The following CADM1 variants were observed in gnomAD, a reference collection of about 807,000 sequenced individuals.
CADM1 encodes the protein TSLC-1.
CADM1 carries 15 observed loss-of-function variants against 53.1 expected under a neutral mutation model. The observed-to-expected ratio is 0.28, with a 90% confidence interval of 0.19 to 0.44. CADM1 has a LOEUF of 0.44. Among genes scored for constraint, CADM1 ranks in the 20% least tolerant of loss-of-function variants. The probability of loss-of-function intolerance (pLI) is 1.00; values close to 1 mark genes in which losing one functional copy is unlikely to be tolerated. For synonymous variants in CADM1, 281 were observed against 243.0 expected, an observed-to-expected ratio of 1.16 and a Z score of -1.45; for missense variants, 434 against 611.3, an observed-to-expected ratio of 0.71 and a Z score of 3.06.
At chr11:115,248,314 T>C (rs987223072) in intron 1 of CADM1, among the ~76,000 whole-genome samples, 1 of 152,216 alleles carries the variant, frequency 6.6e-6, no homozygotes, top group African/African-American at 2.4e-5. Context: ...ATTTCAACCA[T>C]CACATTAGCT....
chr11:115,302,815 T>G (rs146198892), intron 1 of CADM1, among the ~76,000 whole-genome samples: 11 of 151,998 alleles, frequency 7.2e-5, no homozygotes, highest in African/African-American at 2.7e-4. Context: ...TGGGTCACCA[T>G]TGGTGACCCA....
chr11:115,305,816 G>A lies in CADM1; in HGVS notation c.125-65396C>T, dbSNP rs892222469. On this transcript the variant is annotated intron_variant, in intron 1 of 11. Coordinates refer to ENST00000331581, the MANE Select transcript of CADM1 (RefSeq NM_001301043.2). Reference sequence around the variant, plus strand: ...CTAGAAACAGACCAGCCAGTCATTCGTTTCAGGATATTTAGTTCTGATCAA... The same window carrying A: ...CTAGAAACAGACCAGCCAGTCATTCATTTCAGGATATTTAGTTCTGATCAA... 4.9e-5 allele frequency among the ~76,000 whole-genome samples: 7 copies of A among 142,720 alleles called. No homozygotes were observed. In the South Asian group the frequency reaches 6.5e-4, roughly 13 times the overall value. The allele number at this position is 142,720 out of a possible 152,430, so 93.6% of individuals were successfully genotyped here.
At chr11:115,218,400 C>A (rs773588298) in intron 5 of CADM1, among the ~76,000 whole-genome samples, 3 of 152,152 alleles carry the variant, frequency 2.0e-5, no homozygotes, top group Non-Finnish European at 2.9e-5. Context: ...TATGTTGTGA[C>A]ACTGCATGTT....
At chr11:115,361,920 G>T (rs1443315862) in intron 1 of CADM1, among the ~76,000 whole-genome samples, 1 of 151,778 alleles carries the variant, frequency 6.6e-6, no homozygotes, top group African/African-American at 2.4e-5. Context: ...GTTTTGTTTT[G>T]GTAGAGTTGA....
intron 6 of CADM1, among the ~76,000 whole-genome samples, chr11:115,217,682 T>C (rs1203923429): frequency 3.3e-5 from 5 of 152,196 alleles, no homozygotes; most frequent in African/African-American, 9.7e-5. Context: ...ATTTCAATCT[T>C]AGCGGGCATT....
intron 1 of CADM1, among the ~76,000 whole-genome samples, chr11:115,361,715 C>T (rs1186411803): frequency 6.6e-6 from 1 of 151,970 alleles, no homozygotes; most frequent in Non-Finnish European, 1.5e-5. Context: ...AATCACACAC[C>T]CAAACCTTAT....
chr11:115,177,914 C>G (rs1939113414), intron 11 of CADM1, among the ~76,000 whole-genome samples: 1 of 152,066 alleles, frequency 6.6e-6, no homozygotes, highest in African/African-American at 2.4e-5. Flanking sequence ...CCCGCAAGCT[C>G]ATTGCACAGT....
intron 5 of CADM1, among the ~76,000 whole-genome samples, chr11:115,221,520 G>GA: frequency 6.6e-6 from 1 of 152,116 alleles, no homozygotes; most frequent in East Asian, 1.9e-4. Context: ...TCTATAAAGG[G>GA]AAAAAATATA....
intron 1 of CADM1, among the ~76,000 whole-genome samples, chr11:115,366,939 G>C (rs1946178811): frequency 6.6e-6 from 1 of 152,204 alleles, no homozygotes; most frequent in Non-Finnish European, 1.5e-5. Flanking sequence ...TTTATGTGTG[G>C]TCAATGCTTC....
intron 8 of CADM1, among the ~76,000 whole-genome samples, chr11:115,204,449 T>C (rs1940584534): frequency 6.6e-6 from 1 of 152,210 alleles, no homozygotes; most frequent in African/African-American, 2.4e-5. Flanking sequence ...TTTGTCTCCA[T>C]AAGCACTAGC....
At chr11:115,272,979 T>C (rs1391828003) in intron 1 of CADM1, among the ~76,000 whole-genome samples, 1 of 152,172 alleles carries the variant, frequency 6.6e-6, no homozygotes, top group Non-Finnish European at 1.5e-5. Flanking sequence ...TAACTTCTGC[T>C]CATTGGTAGG....
chr11:115,357,416 G>A (rs751174596), intron 1 of CADM1, among the ~76,000 whole-genome samples: 1 of 152,156 alleles, frequency 6.6e-6, no homozygotes, highest in Non-Finnish European at 1.5e-5. Context: ...GCTAGGAAGT[G>A]AGTCTTATAT....
At chr11:115,398,511 T>A (rs1591778742) in intron 1 of CADM1, among the ~76,000 whole-genome samples, 3 of 152,246 alleles carry the variant, frequency 2.0e-5, no homozygotes. Flanking sequence ...TGTATATACT[T>A]CCCCTCTCAG....
chr11:115,369,052 A>AAAAAAAAAAAAAAAAAAGAAAAAAAC (rs1946247691), intron 1 of CADM1, among the ~76,000 whole-genome samples: 1 of 150,082 alleles, frequency 6.7e-6, no homozygotes, highest in Non-Finnish European at 1.5e-5. Flanking sequence ...AAAAAAAAAA[A>AAAAAAAAAAAAAAAAAAGAAAAAAAC]AATTAGGTAA....
intron 1 of CADM1, among the ~76,000 whole-genome samples, chr11:115,327,842 C>T (rs1399617442): frequency 6.6e-6 from 1 of 152,136 alleles, no homozygotes; most frequent in East Asian, 1.9e-4. Context: ...TGTAAGTACT[C>T]AATAAATGTT....
intron 1 of CADM1, among the ~76,000 whole-genome samples, chr11:115,495,800 TTTTA>T (rs2135436158): frequency 6.6e-6 from 1 of 152,274 alleles, no homozygotes; most frequent in Non-Finnish European, 1.5e-5. Flanking sequence ...ATTTATTTTA[TTTTA>T]TTTATTATTT....
chr11:115,217,810 C>T, intron 6 of CADM1, 82 bp downstream of exon 6: 1 of 871,612 alleles, frequency 1.1e-6, no homozygotes. Context: ...AGGTGACAGG[C>T]CAAGGACTGG....
At chr11:115,307,824 C>T (rs913257980) in intron 1 of CADM1, among the ~76,000 whole-genome samples, 2 of 151,810 alleles carry the variant, frequency 1.3e-5, no homozygotes, top group African/African-American at 4.8e-5. Context: ...TTTTCAACTA[C>T]TCCTTATATC....
intron 1 of CADM1, among the ~76,000 whole-genome samples, chr11:115,491,351 G>A (rs1949492102): frequency 6.6e-6 from 1 of 152,122 alleles, no homozygotes; most frequent in Admixed American, 6.6e-5. Flanking sequence ...AGATCATCAG[G>A]TCAGGAGATC....
Sources: gnomAD v4.1 joint callset for allele counts (sites outside exome capture counted in the v4.1 genomes callset) on GRCh38, gnomAD v4.1.1 for gene constraint, MANE v1.5 for transcripts, NCBI Gene and HGNC (gene_info 2026-07-23, HGNC 2026-07-21) for gene names.